Variants in USP20 observed in about 807,000 individuals in gnomAD.
USP20 encodes the protein ubiquitin carboxyl-terminal hydrolase 20.
In USP20, 80 loss-of-function variants were observed where a neutral mutation model predicts 124.2. The ratio of observed to expected loss-of-function variants is 0.64; its 90% CI spans 0.54 to 0.78. USP20 has a LOEUF of 0.78. USP20 is among the 30% of genes least tolerant of loss of function. The probability of loss-of-function intolerance (pLI) is 0.00; values close to 1 mark genes in which losing one functional copy is unlikely to be tolerated. For missense variants in USP20, 1,043 were observed against 1,244.4 expected (o/e 0.84, Z 2.44); for synonymous variants, 481 against 512.3 (o/e 0.94, Z 0.83).
chr9:129,842,449 C>T (rs2032270286), intron 1 of USP20, among the ~76,000 whole-genome samples: 1 of 152,154 alleles, frequency 6.6e-6, no homozygotes, highest in African/African-American at 2.4e-5. Context: ...TGTTTCCCAG[C>T]ACCCCAAGTC....
chr9:129,855,444 A>AAAG (rs1182239516), intron 3 of USP20, among the ~76,000 whole-genome samples: 2 of 152,012 alleles, frequency 1.3e-5, no homozygotes, highest in Non-Finnish European at 2.9e-5. Flanking sequence ...ACAAAAAAAA[A>AAAG]AAAGAAGTTT....
Sources: gnomAD v4.1 joint callset for allele counts (sites outside exome capture counted in the v4.1 genomes callset) on GRCh38, gnomAD v4.1.1 for gene constraint, MANE v1.5 for transcripts, NCBI Gene and HGNC (gene_info 2026-07-23, HGNC 2026-07-21) for gene names.